Variants in DNAH8 observed in about 807,000 individuals in gnomAD.
DNAH8 encodes the protein dynein axonemal heavy chain 8, also known as axonemal beta dynein heavy chain 8.
DNAH8 carries 382 observed loss-of-function variants against 562.1 expected under a neutral mutation model. The ratio of observed to expected loss-of-function variants is 0.68; its 90% CI spans 0.63 to 0.74. The LOEUF (loss-of-function observed/expected upper bound fraction) is 0.74, where lower values mean the gene tolerates loss of function less well. Ranked by LOEUF, DNAH8 falls within the 30% of genes least tolerant of loss-of-function variation. The pLI is 0.00. For missense variants in DNAH8, 5,203 were observed against 5,620.4 expected (o/e 0.93, Z 2.37); for synonymous variants, 1,881 against 1,919.4 (o/e 0.98, Z 0.52).
chr6:38,733,716 G>T (rs1763842368), intron 4 of DNAH8, among the ~76,000 whole-genome samples: 1 of 151,986 alleles, frequency 6.6e-6, no homozygotes, highest in Admixed American at 6.6e-5. Flanking sequence ...TTTGAGACTA[G>T]CCTGGCCAAC....
At chr6:38,768,020 CATT>C (rs1158081787) in intron 11 of DNAH8, among the ~76,000 whole-genome samples, 11 of 152,240 alleles carry the variant, frequency 7.2e-5, no homozygotes, top group African/African-American at 1.2e-4. Context: ...AGTGACATCT[CATT>C]GTTGTTTTGA....
chr6:38,826,158 C>A lies in DNAH8; in HGVS notation c.3850C>A (p.Pro1284Thr). Residue 1284 changes from proline (P) to threonine (T), a missense_variant and splice_region_variant, in exon 29 of 93, where the codon CCG (proline) becomes ACG (threonine). Pro to Thr is a conservative substitution (Grantham distance 38, BLOSUM62 -1). Transcript: ENST00000327475. ...VVGALELHTE[P>T]MKLALSIEAK... ...TAATTTCTTCTTGTCTTCATCAGAGCCGATGAAATTGGCCTTATCCATCGA... is the reference window on the plus strand; with the variant it reads ...TAATTTCTTCTTGTCTTCATCAGAGACGATGAAATTGGCCTTATCCATCGA... 6.3e-7 allele frequency: 1 copy of A among 1,588,796 alleles called. No homozygotes were observed. The highest frequency in any genetic ancestry group is 1.2e-5 in the South Asian group (1 of 86,556).
chr6:39,014,337 C>A (rs982193907), intron 91 of DNAH8, among the ~76,000 whole-genome samples: 4 of 152,064 alleles, frequency 2.6e-5, no homozygotes, highest in African/African-American at 7.2e-5. Context: ...AGTCTCTTTC[C>A]TCCGTATGAG....
intron 12 of DNAH8, among the ~76,000 whole-genome samples, chr6:38,773,360 G>T (rs1767760976): frequency 6.6e-6 from 1 of 152,058 alleles, no homozygotes; most frequent in African/African-American, 2.4e-5. Context: ...AGATCTTTGG[G>T]GGTGGGTCTA....
At chr6:38,789,923 T>C in intron 19 of DNAH8, 40 bp downstream of exon 19, 1 of 1,477,190 alleles carries the variant, frequency 6.8e-7, no homozygotes, top group Non-Finnish European at 9.4e-7. Flanking sequence ...TTCCTGTTAT[T>C]TAAAATTAGA....
chr6:38,843,459 A>G (rs1775013939), intron 35 of DNAH8, among the ~76,000 whole-genome samples: 1 of 152,026 alleles, frequency 6.6e-6, no homozygotes, highest in Non-Finnish European at 1.5e-5. Flanking sequence ...CTATAGATTT[A>G]TAGATGTCTT....
intron 17 of DNAH8, among the ~76,000 whole-genome samples, chr6:38,784,594 G>C (rs1768963736): frequency 6.6e-6 from 1 of 152,106 alleles, no homozygotes; most frequent in Admixed American, 6.6e-5. Context: ...CTCTATGTCT[G>C]TTTCATCTGA....
At position 38,922,937 on chromosome 6, in the gene DNAH8, T is replaced by A. The variant is rs181580391; in HGVS notation, c.10663-121T>A. ...GAAGTTTCAATGCACACTGTATTTT[T>A]AGGTTATATTATTTTGCAAAGTAAG... is the stretch of plus-strand genomic sequence containing the variant. On this transcript the variant is annotated intron_variant, in intron 71 of 92. Coordinates refer to ENST00000327475, the MANE Select transcript of DNAH8 (RefSeq NM_001206927.2). The A allele has an allele frequency of 1.3e-5, 13 of 969,168 alleles. No homozygotes were observed. The African/African-American group carries it at 1.5e-4, about 11-fold the overall frequency. 60.0% of individuals were successfully genotyped at this position (969,168 alleles called of 1,614,324 possible). A position where few individuals can be genotyped will look rare whatever the true frequency, so the allele number is the denominator to read the frequency against.
In DNAH8 at chr6:38,938,186, T is replaced by A. The variant is rs148084212; in HGVS notation, c.11776T>A (p.Leu3926Met). The A allele has an allele frequency of 6.2e-7, 1 of 1,613,890 alleles. No individual in the cohort carries two copies. The highest frequency in any genetic ancestry group is 8.5e-7 in the Non-Finnish European group (1 of 1,179,984). Residue 3926 changes from leucine to methionine, a missense_variant, in exon 78 of 93, where the codon TTG becomes ATG. Coordinates refer to ENST00000327475, the MANE Select transcript of DNAH8 (RefSeq NM_001206927.2). Reference protein sequence around the residue: ...SMVNIMYQTSLAQFLKLFDQS... With the variant: ...SMVNIMYQTSMAQFLKLFDQS... ...GGTCAACATCATGTATCAGACGTCA[T>A]TGGCCCAGTTCTTGAAGTTATTTGA...
intron 56 of DNAH8, among the ~76,000 whole-genome samples, chr6:38,886,204 G>T (rs1028290167): frequency 9.9e-5 from 15 of 152,094 alleles, no homozygotes; most frequent in Non-Finnish European, 1.9e-4. Context: ...ACATGTGAGG[G>T]ATGAGTGGAC....
chr6:38,767,366 G>A (rs1272379551), intron 11 of DNAH8, among the ~76,000 whole-genome samples: 1 of 151,956 alleles, frequency 6.6e-6, no homozygotes, highest in African/African-American at 2.4e-5. Context: ...GAACCTGGGA[G>A]GCGTAGATTG....
At chr6:38,885,446 A>T (rs962408227) in intron 56 of DNAH8, among the ~76,000 whole-genome samples, 12 of 151,916 alleles carry the variant, frequency 7.9e-5, no homozygotes, top group African/African-American at 2.9e-4. Flanking sequence ...TGTCTCCCTT[A>T]CCCTTCTCAG....
intron 9 of DNAH8, among the ~76,000 whole-genome samples, chr6:38,751,041 T>TA (rs1357096465): frequency 6.6e-6 from 1 of 152,214 alleles, no homozygotes; most frequent in Non-Finnish European, 1.5e-5. Flanking sequence ...CTGAGTGGCT[T>TA]AAAAACAATG....
At chr6:38,814,755 C>T (rs1772094485) in intron 25 of DNAH8, among the ~76,000 whole-genome samples, 1 of 152,166 alleles carries the variant, frequency 6.6e-6, no homozygotes, top group Non-Finnish European at 1.5e-5. Flanking sequence ...CAGATCCCTA[C>T]CTCAAACACA....
intron 8 of DNAH8, among the ~76,000 whole-genome samples, 170 bp downstream of exon 8, chr6:38,742,057 T>A (rs1764559658): frequency 6.6e-6 from 1 of 152,228 alleles, no homozygotes; most frequent in Admixed American, 6.5e-5. Context: ...AAATGAAGAT[T>A]TATTTCTCAG....
At chr6:38,735,318 G>C (rs1763995186) in intron 5 of DNAH8, among the ~76,000 whole-genome samples, 1 of 152,208 alleles carries the variant, frequency 6.6e-6, no homozygotes, top group Non-Finnish European at 1.5e-5. Flanking sequence ...GGGAACTGAA[G>C]TCTAATCTTG....
At chr6:38,873,768 A>ACACACACACC (rs1393077666) in intron 52 of DNAH8, among the ~76,000 whole-genome samples, 1 of 51,220 alleles carries the variant, frequency 2.0e-5, no homozygotes, top group Non-Finnish European at 4.2e-5. Flanking sequence ...ACACACACAC[A>ACACACACACC]CCCCTGCACT....
At chr6:38,811,639 G>A (rs1208699001) in intron 24 of DNAH8, among the ~76,000 whole-genome samples, 3 of 152,102 alleles carry the variant, frequency 2.0e-5, no homozygotes, top group African/African-American at 7.2e-5. Flanking sequence ...TTACTTTAGA[G>A]CTTGTTATCT....
chr6:38,908,631 C>A (rs752585563), intron 64 of DNAH8, among the ~76,000 whole-genome samples: 2 of 152,192 alleles, frequency 1.3e-5, no homozygotes, highest in Non-Finnish European at 1.5e-5. Context: ...TGGCTCACTG[C>A]AGCATCAACC....
Sources: gnomAD v4.1 joint callset for allele counts (sites outside exome capture counted in the v4.1 genomes callset) on GRCh38, gnomAD v4.1.1 for gene constraint, MANE v1.5 for transcripts, NCBI Gene and HGNC (gene_info 2026-07-23, HGNC 2026-07-21) for gene names.